Variants in GRXCR1 observed in about 807,000 individuals in gnomAD.
GRXCR1 encodes the protein glutaredoxin domain-containing cysteine-rich protein 1.
In GRXCR1, 27 loss-of-function variants were observed where a neutral mutation model predicts 27.3. The observed-to-expected ratio is 0.99, with a 90% confidence interval of 0.73 to 1.37. GRXCR1 has a LOEUF of 1.37. GRXCR1 is among the 40% of genes most tolerant of loss of function. GRXCR1 has a pLI of 0.00. For synonymous variants in GRXCR1, 122 were observed against 131.1 expected (o/e 0.93, Z 0.47); for missense variants, 379 against 354.4 (o/e 1.07, Z -0.56).
At chr4:43,012,223 T>G (rs1419543805) in intron 2 of GRXCR1, among the ~76,000 whole-genome samples, 1 of 152,242 alleles carries the variant, frequency 6.6e-6, no homozygotes. Flanking sequence ...GAGATTTAGC[T>G]AGGCTGAAGA....
intron 2 of GRXCR1, among the ~76,000 whole-genome samples, chr4:43,005,687 T>C (rs1280751775): frequency 1.3e-5 from 2 of 152,170 alleles, no homozygotes; most frequent in African/African-American, 4.8e-5. Context: ...CAGGAAGTAC[T>C]CCTTGGAAAG....
intron 1 of GRXCR1, among the ~76,000 whole-genome samples, chr4:42,947,396 CT>C (rs1260593267): frequency 1.3e-5 from 2 of 152,064 alleles, no homozygotes; most frequent in African/African-American, 4.8e-5. Flanking sequence ...AGAAATCTCC[CT>C]GTAGTTCATT....
At chr4:43,007,054 T>C (rs1182861785) in intron 2 of GRXCR1, among the ~76,000 whole-genome samples, 4 of 152,158 alleles carry the variant, frequency 2.6e-5, no homozygotes, top group Non-Finnish European at 5.9e-5. Context: ...TAAATAAATA[T>C]GCACTCCATT....
chr4:42,998,051 G>A (rs932220106), intron 2 of GRXCR1, among the ~76,000 whole-genome samples: 4 of 152,082 alleles, frequency 2.6e-5, no homozygotes, highest in African/African-American at 9.7e-5. Context: ...CAGGCACAAT[G>A]GTCCTTCCAG....
intron 1 of GRXCR1, among the ~76,000 whole-genome samples, chr4:42,914,322 G>A (rs1308028036): frequency 2.6e-5 from 4 of 152,246 alleles, no homozygotes; most frequent in Non-Finnish European, 5.9e-5. Context: ...AAGGCCATGG[G>A]AGCCCACCTC....
chr4:42,963,985 A>G (rs1577922994), intron 2 of GRXCR1, among the ~76,000 whole-genome samples: 1 of 152,060 alleles, frequency 6.6e-6, no homozygotes, highest in East Asian at 1.9e-4. Flanking sequence ...CTAGAACAGG[A>G]GATGCTCACA....
chr4:42,923,756 T>A (rs987342623), intron 1 of GRXCR1, among the ~76,000 whole-genome samples: 1 of 152,072 alleles, frequency 6.6e-6, no homozygotes, highest in African/African-American at 2.4e-5. Flanking sequence ...TGCCTCTTTT[T>A]TTTTGCTTCA....
intron 1 of GRXCR1, among the ~76,000 whole-genome samples, chr4:42,931,977 C>T (rs1747321505): frequency 6.6e-6 from 1 of 151,840 alleles, no homozygotes; most frequent in African/African-American, 2.4e-5. Context: ...GAGAAACTAC[C>T]CTTTATAAAA....
At chr4:42,915,346 C>A (rs144130459) in intron 1 of GRXCR1, among the ~76,000 whole-genome samples, 1 of 152,170 alleles carries the variant, frequency 6.6e-6, no homozygotes, top group Admixed American at 6.5e-5. Context: ...ATTGCACCAG[C>A]ATTTTCATTT....
At chr4:42,992,931 C>G (rs1403193213) in intron 2 of GRXCR1, among the ~76,000 whole-genome samples, 1 of 151,980 alleles carries the variant, frequency 6.6e-6, no homozygotes, top group Non-Finnish European at 1.5e-5. Context: ...TTTACATTAA[C>G]CAATTTGGGG....
At chr4:42,904,810 A>C (rs934112581) in intron 1 of GRXCR1, among the ~76,000 whole-genome samples, 1 of 152,150 alleles carries the variant, frequency 6.6e-6, no homozygotes, top group Non-Finnish European at 1.5e-5. Flanking sequence ...GTCCTCAGAG[A>C]ATCTAATTCT....
chr4:42,934,900 A>T (rs1331697491), intron 1 of GRXCR1, among the ~76,000 whole-genome samples: 3 of 151,952 alleles, frequency 2.0e-5, no homozygotes, highest in Non-Finnish European at 4.4e-5. Flanking sequence ...TTTTCTCTGA[A>T]GTTTAGTAAA....
chr4:42,915,258 G>T (rs1011949456), intron 1 of GRXCR1, among the ~76,000 whole-genome samples: 1 of 152,094 alleles, frequency 6.6e-6, no homozygotes, highest in Non-Finnish European at 1.5e-5. Flanking sequence ...TCATAGCAAA[G>T]AATGGGATGG....
intron 1 of GRXCR1, among the ~76,000 whole-genome samples, chr4:42,942,244 T>A (rs1258677584): frequency 6.6e-6 from 1 of 152,056 alleles, no homozygotes; most frequent in East Asian, 1.9e-4. Flanking sequence ...GTGAAACATA[T>A]ATACCGAGAA....
intron 1 of GRXCR1, among the ~76,000 whole-genome samples, chr4:42,898,811 T>C (rs1746404276): frequency 1.3e-5 from 2 of 151,912 alleles, no homozygotes; most frequent in Admixed American, 1.3e-4. Context: ...TTATGTAGTG[T>C]TCTGTCAAGA....
intron 1 of GRXCR1, among the ~76,000 whole-genome samples, chr4:42,944,432 G>T (rs546962383): frequency 2.0e-5 from 3 of 152,200 alleles, no homozygotes; most frequent in East Asian, 3.9e-4. Context: ...TCATAGAAAA[G>T]ATATCAGAGG....
intron 1 of GRXCR1, among the ~76,000 whole-genome samples, chr4:42,903,901 C>T (rs1032376456): frequency 6.6e-6 from 1 of 152,096 alleles, no homozygotes; most frequent in Non-Finnish European, 1.5e-5. Context: ...TAGCTGCCTA[C>T]CCATCCTGCA....
intron 1 of GRXCR1, among the ~76,000 whole-genome samples, chr4:42,898,560 A>T (rs2109736540): frequency 6.6e-6 from 1 of 152,216 alleles, no homozygotes; most frequent in East Asian, 1.9e-4. Context: ...GATATTCTTG[A>T]TGACTCCTTA....
At chr4:43,000,468 C>A (rs74778618) in intron 2 of GRXCR1, among the ~76,000 whole-genome samples, 30,132 of 107,500 alleles carry the variant, frequency 0.28, 3,339 homozygotes, top group East Asian at 0.45. Flanking sequence ...GAGCGAGGCT[C>A]TATCTTAAAA....
Sources: allele counts gnomAD v4.1 joint callset (sites outside exome capture counted in the v4.1 genomes callset), GRCh38; gene constraint gnomAD v4.1.1; transcripts MANE v1.5; gene names NCBI Gene and HGNC (gene_info 2026-07-23, HGNC 2026-07-21).